The following ARF4 variants were observed in gnomAD, a reference collection of about 807,000 sequenced individuals.
ARF4 encodes the protein ARF GTPase 4.
In ARF4, 5 loss-of-function variants were observed where a neutral mutation model predicts 24.3. The observed-to-expected ratio is 0.21, with a 90% CI of 0.11 to 0.43. ARF4 has a LOEUF of 0.43. ARF4 is among the 20% of genes least tolerant of loss of function. The pLI is 1.00. For missense variants in ARF4, 107 were observed against 213.0 expected (o/e 0.50, Z 3.10); for synonymous variants, 62 against 73.5 (o/e 0.84, Z 0.80).
intron 3 of ARF4, among the ~76,000 whole-genome samples, chr3:57,580,162 G>A (rs1016976473): frequency 6.6e-6 from 1 of 152,188 alleles, no homozygotes; most frequent in East Asian, 1.9e-4. Flanking sequence ...TGGGAAGACA[G>A]ACTCAAATTC....
chr3:57,577,419 A>T, intron 3 of ARF4, 32 bp from the exon 4 acceptor site: 4 of 1,554,572 alleles, frequency 2.6e-6, no homozygotes, highest in Non-Finnish European at 3.6e-6. Flanking sequence ...AAATTTTAAC[A>T]GTTAAACGAC....
At chr3:57,580,790 A>G (rs1284481922) in intron 3 of ARF4, among the ~76,000 whole-genome samples, 1 of 126,186 alleles carries the variant, frequency 7.9e-6, no homozygotes, top group South Asian at 2.4e-4. Context: ...TTTTTTTTTT[A>G]AATGTAAAGA....
chr3:57,572,392 C>T, intron 5 of ARF4, 94 bp from the exon 6 acceptor site: 1 of 908,464 alleles, frequency 1.1e-6, no homozygotes, highest in Non-Finnish European at 1.7e-6. Context: ...AGTCTTTTCA[C>T]ACCTCTTGCA....
At position 57,591,421 on chromosome 3, in the gene ARF4, T is replaced by C. The variant is rs558379226; in HGVS notation, c.67+5653A>G. 2.0e-5 allele frequency among the ~76,000 whole-genome samples: 3 copies of C among 151,786 alleles called. No homozygotes were observed. In the South Asian group the frequency reaches 6.2e-4, roughly 31 times the overall value. On this transcript the variant is annotated intron_variant, in intron 1 of 5. Coordinates refer to ENST00000303436, the MANE Select transcript of ARF4 (RefSeq NM_001660.4). ...GAAAAGGAAAAAAAAAAGAATGAAG[T>C]ACTAATATACGCTATAATATGAATG...
intron 5 of ARF4, among the ~76,000 whole-genome samples, chr3:57,574,850 T>A (rs1002767424): frequency 2.0e-5 from 3 of 151,632 alleles, no homozygotes; most frequent in Non-Finnish European, 2.9e-5. Flanking sequence ...AGACCCCCCA[T>A]CTCCACTTTT....
chr3:57,597,020 T>C, intron 1 of ARF4, 54 bp downstream of exon 1: 7 of 1,581,276 alleles, frequency 4.4e-6, no homozygotes, highest in Non-Finnish European at 6.1e-6. Context: ...GCCACCCCAA[T>C]TGTGGAGACC....
chr3:57,572,260 A>T lies in ARF4; in HGVS notation c.495T>A (p.Gly165=). ...ACAGCCAGTCAAGTCCTTCATACAG[A>T]CCAGTTCCTTGTGTTGCACAAGTGG... ...VQATCATQGT[G]LYEGLDWLSN... The change falls in exon 6 of 6, where the codon GGT becomes GGA. Residue 165 remains glycine (G), a synonymous_variant. Coordinates refer to ENST00000303436, the MANE Select transcript of ARF4 (RefSeq NM_001660.4). 1 of 1,614,130 alleles carries T rather than the reference A, an allele frequency of 6.2e-7. No individual in the cohort carries two copies. Among genetic ancestry groups the T allele is most frequent in the Non-Finnish European group, 8.5e-7 (1 of 1,179,988 alleles).
chr3:57,595,035 A>C (rs1350980698), intron 1 of ARF4, among the ~76,000 whole-genome samples: 2 of 152,236 alleles, frequency 1.3e-5, no homozygotes, highest in East Asian at 3.8e-4. Context: ...TGCCTGAGTA[A>C]TAAAACATTA....
At chr3:57,576,484 T>G (rs1158530437) in intron 4 of ARF4, among the ~76,000 whole-genome samples, 3 of 150,400 alleles carry the variant, frequency 2.0e-5, no homozygotes, top group Non-Finnish European at 3.0e-5. Flanking sequence ...TTATAGTGTG[T>G]GAAGTATGTC....
In ARF4 at chr3:57,572,350, C is replaced by T. The variant is rs188349645; in HGVS notation, c.457-52G>A. 1.4e-3 allele frequency: 1,817 copies of T among 1,335,982 alleles called. 6 individuals carry two copies. The highest frequency in any genetic ancestry group is 6.4e-3 in the Middle Eastern group (34 of 5,272). 82.8% of individuals were successfully genotyped at this position (1,335,982 alleles called of 1,614,324 possible). On this transcript the variant is annotated intron_variant, in intron 5 of 5. Transcript: ENST00000303436. ...TGATTAACAAAGTTAATATATAACA[C>T]CAGTGTTTAAACTTTCTTAATCAAA... is the stretch of plus-strand genomic sequence containing the variant.
chr3:57,589,502 G>A (rs975980742), intron 1 of ARF4, among the ~76,000 whole-genome samples: 2 of 152,038 alleles, frequency 1.3e-5, no homozygotes, highest in Admixed American at 6.6e-5. Flanking sequence ...GGTGGATCAC[G>A]AGGTCAGCAG....
intron 4 of ARF4, among the ~76,000 whole-genome samples, chr3:57,576,169 A>T (rs2153408464): frequency 6.6e-6 from 1 of 152,350 alleles, no homozygotes; most frequent in African/African-American, 2.4e-5. Flanking sequence ...CAGAAGTTGT[A>T]CTGATGCATG....
intron 5 of ARF4, among the ~76,000 whole-genome samples, chr3:57,575,192 C>A (rs2069888942): frequency 6.6e-6 from 1 of 151,896 alleles, no homozygotes; most frequent in African/African-American, 2.4e-5. Context: ...CATTACTGGA[C>A]CCTTAATAAG....
intron 5 of ARF4, among the ~76,000 whole-genome samples, chr3:57,573,641 C>T (rs1017788497): frequency 3.9e-5 from 6 of 152,144 alleles, no homozygotes; most frequent in Admixed American, 2.6e-4. Flanking sequence ...AGTGCAGTGG[C>T]GTGATCTCGG....
intron 5 of ARF4, among the ~76,000 whole-genome samples, chr3:57,573,062 C>T (rs1486009912): frequency 1.3e-5 from 2 of 151,812 alleles, no homozygotes; most frequent in Admixed American, 6.6e-5. Context: ...ATTAGCCGGG[C>T]GTGGTGGTGG....
At chr3:57,572,415 C>G (rs2069852142) in intron 5 of ARF4, 117 bp from the exon 6 acceptor site, 1 of 730,700 alleles carries the variant, frequency 1.4e-6, no homozygotes, top group Non-Finnish European at 2.2e-6. Context: ...TCACAAAACT[C>G]TCCCATATTT....
chr3:57,587,075 T>C (rs1186415753), intron 1 of ARF4, among the ~76,000 whole-genome samples: 1 of 151,858 alleles, frequency 6.6e-6, no homozygotes, highest in Non-Finnish European at 1.5e-5. Flanking sequence ...TCACAGTACT[T>C]TGGGAGGCTG....
chr3:57,595,837 G>C (rs2070174710), intron 1 of ARF4, among the ~76,000 whole-genome samples: 1 of 152,028 alleles, frequency 6.6e-6, no homozygotes, highest in African/African-American at 2.4e-5. Flanking sequence ...TGTAATCCCA[G>C]CTACTCGGGA....
At chr3:57,592,191 T>C (rs1575788952) in intron 1 of ARF4, among the ~76,000 whole-genome samples, 1 of 152,128 alleles carries the variant, frequency 6.6e-6, no homozygotes, top group African/African-American at 2.4e-5. Flanking sequence ...GTGGACATAC[T>C]GTATCTTAAT....
Sources: allele counts gnomAD v4.1 joint callset (sites outside exome capture counted in the v4.1 genomes callset), GRCh38; gene constraint gnomAD v4.1.1; transcripts MANE v1.5; gene names NCBI Gene and HGNC (gene_info 2026-07-23, HGNC 2026-07-21).